CACNA2D1: variants seen among roughly 807,000 people sequenced by gnomAD.
The protein encoded by CACNA2D1 is calcium voltage-gated channel auxiliary subunit alpha2delta 1.
Under a neutral mutation model 171.5 loss-of-function variants are expected in CACNA2D1, and 53 were observed. The ratio of observed to expected loss-of-function variants is 0.31; its 90% CI spans 0.25 to 0.39. The LOEUF (loss-of-function observed/expected upper bound fraction) is 0.39. Ranked by LOEUF, CACNA2D1 falls within the 10% of genes least tolerant of loss-of-function variation. The pLI is 1.00. For missense variants in CACNA2D1, 903 were observed against 1,299.8 expected (o/e 0.69, Z 4.69); for synonymous variants, 442 against 443.1 (o/e 1.00, Z 0.03).
At chr7:82,189,681 A>T (rs565454300) in intron 3 of CACNA2D1, among the ~76,000 whole-genome samples, 62 of 152,040 alleles carry the variant, frequency 4.1e-4, no homozygotes, top group African/African-American at 1.4e-3. Context: ...AGGAGTGAAT[A>T]CTGTGGAATA....
intron 1 of CACNA2D1, among the ~76,000 whole-genome samples, chr7:82,353,342 G>C (rs544497976): frequency 1.3e-5 from 2 of 152,072 alleles, no homozygotes; most frequent in Non-Finnish European, 2.9e-5. Context: ...GGAAATTGTG[G>C]TATAGAAAGT....
intron 1 of CACNA2D1, 82 bp downstream of exon 1, chr7:82,443,283 C>T (rs1830648626): frequency 7.1e-7 from 1 of 1,407,698 alleles, no homozygotes; most frequent in African/African-American, 1.5e-5. Context: ...GCGGAAAAGC[C>T]CCGCGACTCG....
chr7:82,001,596 T>G (rs1417748194), intron 18 of CACNA2D1: 2 of 511,720 alleles, frequency 3.9e-6, no homozygotes, highest in Non-Finnish European at 6.9e-6. Flanking sequence ...AACAGAAGCT[T>G]AATCCCAACT....
At chr7:82,413,101 C>A (rs910404431) in intron 1 of CACNA2D1, among the ~76,000 whole-genome samples, 2 of 152,118 alleles carry the variant, frequency 1.3e-5, no homozygotes, top group Admixed American at 6.5e-5. Flanking sequence ...GTTTTCATGT[C>A]GAACAGATTT....
intron 10 of CACNA2D1, among the ~76,000 whole-genome samples, chr7:82,044,912 A>G (rs1804377527): frequency 6.6e-6 from 1 of 152,312 alleles, no homozygotes; most frequent in South Asian, 2.1e-4. Context: ...ACATATGTGG[A>G]TACATTCCCA....
intron 6 of CACNA2D1, among the ~76,000 whole-genome samples, chr7:82,100,287 T>A (rs1437602972): frequency 2.0e-5 from 3 of 152,186 alleles, no homozygotes; most frequent in Non-Finnish European, 4.4e-5. Context: ...TCCAAGGGTA[T>A]GCCCTGTGAT....
chr7:82,216,442 T>G (rs1010550369), intron 3 of CACNA2D1, among the ~76,000 whole-genome samples: 4 of 152,194 alleles, frequency 2.6e-5, no homozygotes, highest in Admixed American at 1.3e-4. Flanking sequence ...ATTATACTGT[T>G]TAACTTTCTC....
chr7:82,244,228 A>C (rs545311010), intron 3 of CACNA2D1, among the ~76,000 whole-genome samples: 1 of 152,090 alleles, frequency 6.6e-6, no homozygotes, highest in African/African-American at 2.4e-5. Context: ...CTTCATATGT[A>C]GCTTCATTTA....
intron 18 of CACNA2D1, among the ~76,000 whole-genome samples, chr7:82,001,043 T>C (rs1798558961): frequency 1.3e-5 from 2 of 152,114 alleles, no homozygotes; most frequent in African/African-American, 4.8e-5. Flanking sequence ...AAGTATCCTT[T>C]TATGTTGATT....
intron 3 of CACNA2D1, among the ~76,000 whole-genome samples, chr7:82,263,416 C>A (rs1807401200): frequency 6.6e-6 from 1 of 151,954 alleles, no homozygotes. Context: ...TGGCTAAAAC[C>A]TTTATTGAAT....
At chr7:82,296,415 C>A (rs1042413517) in intron 3 of CACNA2D1, among the ~76,000 whole-genome samples, 4 of 152,138 alleles carry the variant, frequency 2.6e-5, no homozygotes, top group Admixed American at 2.6e-4. Flanking sequence ...GGCACTATAG[C>A]TGTTACAAGT....
rs148777609 is a variant in CACNA2D1 at position 82,367,579 on chromosome 7, T to A, written c.96-17930A>T. On this transcript the variant is annotated intron_variant, in intron 1 of 38. Transcript: ENST00000356860. Reference sequence around the variant, plus strand: ...GTCTATTTACTTGTTTTCAGCCTCTTTTCTCCAGAATGTAAACAGCCCAAG... The same window carrying A: ...GTCTATTTACTTGTTTTCAGCCTCTATTCTCCAGAATGTAAACAGCCCAAG... 2.5e-3 allele frequency among the ~76,000 whole-genome samples: 379 copies of A among 152,290 alleles called. 3 individuals carry two copies. The highest frequency in any genetic ancestry group is 8.6e-3 in the African/African-American group (358 of 41,550).
chr7:82,235,771 G>A (rs1166283352), intron 3 of CACNA2D1, among the ~76,000 whole-genome samples: 5 of 151,998 alleles, frequency 3.3e-5, no homozygotes, highest in Non-Finnish European at 1.5e-5. Context: ...GTGGTTGGAG[G>A]ATATTTCGGC....
chr7:81,994,446 T>C (rs185530436), intron 20 of CACNA2D1, among the ~76,000 whole-genome samples: 6 of 152,150 alleles, frequency 3.9e-5, no homozygotes, highest in Admixed American at 1.3e-4. Flanking sequence ...AAATAATTAA[T>C]ATGTGGAACT....
intron 1 of CACNA2D1, among the ~76,000 whole-genome samples, chr7:82,437,754 TGCTAA>T (rs1830216199): frequency 6.6e-6 from 1 of 152,110 alleles, no homozygotes; most frequent in Non-Finnish European, 1.5e-5. Context: ...TTTTAAAAAC[TGCTAA>T]GAGTAGCTGA....
rs534242954 is a variant in CACNA2D1, at chr7:82,427,178, T to C, written c.95+16187A>G. Among the ~76,000 whole-genome samples the C allele has an allele frequency of 2.6e-5, 4 of 152,290 alleles. No homozygotes were observed. In the South Asian group the frequency reaches 8.3e-4, roughly 32 times the overall value. On this transcript the variant is annotated intron_variant, in intron 1 of 38. Coordinates refer to ENST00000356860, the MANE Select transcript of CACNA2D1 (RefSeq NM_000722.4). ...AGATACAAAAAGAAGCTTGGTGCCATACTATGCCTTAGCACAATTTGGATG... is the reference window on the plus strand; with the variant it reads ...AGATACAAAAAGAAGCTTGGTGCCACACTATGCCTTAGCACAATTTGGATG...
intron 3 of CACNA2D1, among the ~76,000 whole-genome samples, chr7:82,268,059 T>A (rs1808138857): frequency 6.6e-6 from 1 of 152,052 alleles, no homozygotes; most frequent in Admixed American, 6.6e-5. Flanking sequence ...GGAACAAAAA[T>A]AAATAAAGAA....
chr7:82,313,340 AC>A (rs140937410), intron 3 of CACNA2D1, among the ~76,000 whole-genome samples: 22,111 of 152,206 alleles, frequency 0.15, 1,922 homozygotes, highest in South Asian at 0.28. Flanking sequence ...GGGCCTGCAG[AC>A]AACAATAGCC....
intron 4 of CACNA2D1, among the ~76,000 whole-genome samples, chr7:82,146,440 TTA>T (rs1005044353): frequency 7.0e-5 from 9 of 127,672 alleles, no homozygotes; most frequent in East Asian, 2.0e-4. Flanking sequence ...ATATTTATAT[TTA>T]TATATATAAA....
Sources: gnomAD v4.1 joint callset for allele counts (sites outside exome capture counted in the v4.1 genomes callset) on GRCh38, gnomAD v4.1.1 for gene constraint, MANE v1.5 for transcripts, NCBI Gene and HGNC (gene_info 2026-07-23, HGNC 2026-07-21) for gene names.